The following CSF1R variants were observed in gnomAD, a reference collection of about 807,000 sequenced individuals.
The protein encoded by CSF1R is colony stimulating factor 1 receptor, also known as macrophage colony-stimulating factor 1 receptor.
A neutral mutation model predicts 110.0 loss-of-function variants in CSF1R; 40 were observed. The ratio of observed to expected loss-of-function variants is 0.36; its 90% confidence interval spans 0.28 to 0.47. The LOEUF is 0.47. Ranked by LOEUF, CSF1R falls within the 20% of genes least tolerant of loss-of-function variation. The pLI is 0.99. For synonymous variants in CSF1R, 523 were observed against 503.4 expected, an observed-to-expected ratio of 1.04 and a Z score of -0.52; for missense variants, 1,052 against 1,253.0, an observed-to-expected ratio of 0.84 and a Z score of 2.42.
chr5:150,054,260 A>G (rs1295198685), intron 20 of CSF1R, 36 bp from the exon 21 acceptor site: 1 of 1,613,426 alleles, frequency 6.2e-7, no homozygotes. Flanking sequence ...GTCAGTCCAG[A>G]TCCATCAGGC....
Position 150,054,111 on chromosome 5 carries a change from G to C in CSF1R, c.2877C>G (p.Ile959Met). Residue 959 changes from isoleucine to methionine, a missense_variant, in exon 21 of 21, where the codon ATC becomes ATG. Coordinates refer to ENST00000675795, the MANE Select transcript of CSF1R (RefSeq NM_001288705.3). ...EHLTCCEQGD[I>M]AQPLLQPNNY... ...TGTTGGGCTGCAGCAAGGGCTGGGC[G>C]ATATCCCCTTGCTCGCAGCAGGTCA... The C allele has an allele frequency of 1.2e-6, 2 of 1,614,106 alleles. No individual in the cohort carries two copies. Among genetic ancestry groups the C allele is most frequent in the Non-Finnish European group, 1.7e-6 (2 of 1,180,010 alleles).
intron 16 of CSF1R, among the ~76,000 whole-genome samples, chr5:150,056,904 C>G (rs1757243667): frequency 6.6e-6 from 1 of 152,166 alleles, no homozygotes; most frequent in Non-Finnish European, 1.5e-5. Flanking sequence ...GCACTTCTTC[C>G]TAGGCCGAGC....
intron 14 of CSF1R, 114 bp downstream of exon 14, chr5:150,059,586 G>T: frequency 8.0e-7 from 1 of 1,254,644 alleles, no homozygotes. Context: ...GGTGGCAGGT[G>T]AGGGCTGCAT....
intron 19 of CSF1R, 48 bp downstream of exon 19, chr5:150,055,189 G>C (rs1437308618): frequency 6.5e-7 from 1 of 1,550,284 alleles, no homozygotes; most frequent in East Asian, 2.2e-5. Context: ...TCCCTTTCCA[G>C]CGAAAGCCTG....
intron 1 of CSF1R, among the ~76,000 whole-genome samples, chr5:150,082,388 T>G (rs1758592428): frequency 6.6e-6 from 1 of 152,244 alleles, no homozygotes; most frequent in Non-Finnish European, 1.5e-5. Flanking sequence ...ATTCACGTTT[T>G]GATTTTGTAT....
chr5:150,081,073 C>T (rs774682662), intron 1 of CSF1R, 49 bp from the exon 2 acceptor site: 2 of 1,599,784 alleles, frequency 1.3e-6, no homozygotes, highest in South Asian at 1.1e-5. Context: ...AGGATGCGCC[C>T]CTTGGGCCGT....
intron 6 of CSF1R, among the ~76,000 whole-genome samples, chr5:150,071,092 G>A (rs112887591): frequency 3.0e-4 from 46 of 152,322 alleles, no homozygotes; most frequent in African/African-American, 1.1e-3. Context: ...TTCCTTTGCT[G>A]TGAGAGTGAT....
intron 1 of CSF1R, among the ~76,000 whole-genome samples, chr5:150,106,329 T>G (rs1415180801): frequency 6.6e-6 from 1 of 152,190 alleles, no homozygotes; most frequent in African/African-American, 2.4e-5. Flanking sequence ...CTTCACATAC[T>G]GAGAGCCTAG....
intron 14 of CSF1R, among the ~76,000 whole-genome samples, chr5:150,059,059 T>A (rs1757378417): frequency 6.6e-6 from 1 of 152,090 alleles, no homozygotes; most frequent in Non-Finnish European, 1.5e-5. Context: ...TCTCTTTTTT[T>A]TTGAGACGGA....
At chr5:150,080,428 C>T in intron 2 of CSF1R, 92 bp from the exon 3 acceptor site, 4 of 1,482,670 alleles carry the variant, frequency 2.7e-6, no homozygotes, top group Non-Finnish European at 3.6e-6. Context: ...CTCAGAGAGG[C>T]TGATCATTCA....
intron 1 of CSF1R, chr5:150,094,274 G>A (rs374093435): frequency 6.8e-7 from 1 of 1,466,694 alleles, no homozygotes; most frequent in Non-Finnish European, 9.3e-7. Context: ...TTAGAACAGA[G>A]CTTCAGTTTT....
chr5:150,060,348 G>GAA (rs71992938), intron 13 of CSF1R, among the ~76,000 whole-genome samples: 3 of 143,842 alleles, frequency 2.1e-5, no homozygotes, highest in East Asian at 2.0e-4. Context: ...AACAAAAAAT[G>GAA]AAAAAAAAAA....
At chr5:150,090,222 T>A (rs553240056), upstream of CSF1R, among the ~76,000 whole-genome samples, 4 of 152,258 alleles carry the variant, frequency 2.6e-5, no homozygotes, top group East Asian at 7.7e-4. Flanking sequence ...GTCAAGAGAA[T>A]AAAAACACAC....
chr5:150,066,512 A>G lies in CSF1R; in HGVS notation c.1626+1703T>C, dbSNP rs371794257. 8.7e-4 allele frequency among the ~76,000 whole-genome samples: 133 copies of G among 152,302 alleles called. 1 individual carries two copies. The South Asian group carries it at 0.021, about 24-fold the overall frequency. On this transcript the variant is annotated intron_variant, in intron 10 of 20. Coordinates refer to ENST00000675795, the MANE Select transcript of CSF1R (RefSeq NM_001288705.3). ...CCAGACCCATGGTATAAGAGGGGAAACTAAGGCCCAGAGAGGACAGCGAGT... is the reference window on the plus strand; with the variant it reads ...CCAGACCCATGGTATAAGAGGGGAAGCTAAGGCCCAGAGAGGACAGCGAGT...
At position 150,061,512 on chromosome 5, in the gene CSF1R, C is replaced by T; in HGVS notation, c.1837G>A (p.Val613Met). The part of the protein sequence containing the change: ...GLGKEDAVLK[V>M]AVKMLKSTAH... ...TCACACTTCAGCATCTTCACAGCCA[C>T]CTTCAGGACAGCATCCTCCTTGCCC... is the stretch of plus-strand genomic sequence containing the variant. The change falls in exon 12 of 21, where the codon GTG becomes ATG. Residue 613 changes from valine to methionine, a missense_variant. Around this residue, in one of 5 missense-constraint regions of CSF1R, gnomAD observed 76 missense variants for 133.6 expected, o/e 0.57. Transcript: ENST00000675795. 1 of 1,613,076 alleles carries T rather than the reference C, an allele frequency of 6.2e-7. No homozygotes were observed. The highest frequency in any genetic ancestry group is 8.5e-7 in the Non-Finnish European group (1 of 1,179,694).
In CSF1R at chr5:150,073,569, C is replaced by G. The variant is rs796336430; in HGVS notation, c.890-76G>C. ...TTTATTTGTCCATTTTGTCATCCAC[C>G]CATTGATCCAGTCCCTGAGCAGCTA... On this transcript the variant is annotated intron_variant, in intron 5 of 20. Coordinates refer to ENST00000675795, the MANE Select transcript of CSF1R (RefSeq NM_001288705.3). 110 of 1,477,242 alleles carry G rather than the reference C, an allele frequency of 7.4e-5. 1 individual carries two copies. The African/African-American group carries it at 1.3e-3, about 18-fold the overall frequency. The allele number at this position is 1,477,242 out of a possible 1,614,324, so 91.5% of individuals were successfully genotyped here.
At chr5:150,082,285 T>C (rs1758585738) in intron 1 of CSF1R, among the ~76,000 whole-genome samples, 1 of 152,242 alleles carries the variant, frequency 6.6e-6, no homozygotes, top group Non-Finnish European at 1.5e-5. Flanking sequence ...CATTGTTCTC[T>C]GCAAACCCCC....
intron 17 of CSF1R, 36 bp from the exon 18 acceptor site, chr5:150,056,173 C>G (rs762801851): frequency 6.2e-7 from 1 of 1,614,028 alleles, no homozygotes; most frequent in Non-Finnish European, 8.5e-7. Flanking sequence ...TGGGCCCCGA[C>G]TCTTCACCCC....
intron 5 of CSF1R, among the ~76,000 whole-genome samples, chr5:150,074,566 T>G (rs1758177332): frequency 6.6e-6 from 1 of 152,094 alleles, no homozygotes; most frequent in Non-Finnish European, 1.5e-5. Context: ...AGAACCCCAA[T>G]TCACTCAGCC....
Sources: gnomAD v4.1 joint callset for allele counts (sites outside exome capture counted in the v4.1 genomes callset) on GRCh38, gnomAD v4.1.1 for gene constraint, gnomAD v4.1.1 regional missense constraint, MANE v1.5 for transcripts, NCBI Gene and HGNC (gene_info 2026-07-23, HGNC 2026-07-21) for gene names.